The following ABCC1 variants were observed in gnomAD, a reference collection of about 807,000 sequenced individuals.
ABCC1 encodes ATP binding cassette subfamily C member 1 (ABCC1 blood group), also known as multidrug resistance-associated protein 1.
ABCC1 carries 83 observed loss-of-function variants against 172.9 expected under a neutral mutation model. The ratio of observed to expected loss-of-function variants is 0.48; its 90% CI spans 0.40 to 0.58. The LOEUF is 0.58. ABCC1 is among the 20% of genes least tolerant of loss of function. The pLI, the probability that ABCC1 is intolerant of heterozygous loss-of-function variation, is 0.00. For synonymous variants in ABCC1, 937 were observed against 825.2 expected, an observed-to-expected ratio of 1.14 and a Z score of -2.32; for missense variants, 1,817 against 2,002.7, an observed-to-expected ratio of 0.91 and a Z score of 1.77.
intron 28 of ABCC1, among the ~76,000 whole-genome samples, chr16:16,134,944 C>T (rs1283098056): frequency 6.6e-6 from 1 of 152,088 alleles, no homozygotes; most frequent in African/African-American, 2.4e-5. Flanking sequence ...GGCTGGCCTT[C>T]ATTGTTTTTA....
At chr16:15,958,378 G>A (rs1354805084) in intron 1 of ABCC1, among the ~76,000 whole-genome samples, 1 of 152,074 alleles carries the variant, frequency 6.6e-6, no homozygotes, top group African/African-American at 2.4e-5. Context: ...CCAAAGTGCT[G>A]GGATTACAGG....
At chr16:16,118,187 G>T (rs1431712854) in intron 23 of ABCC1, among the ~76,000 whole-genome samples, 2 of 152,136 alleles carry the variant, frequency 1.3e-5, no homozygotes, top group African/African-American at 4.8e-5. Context: ...GGGTTGTTTA[G>T]ATGGGAGCAT....
At chr16:16,058,753 C>T (rs1002804973) in intron 12 of ABCC1, among the ~76,000 whole-genome samples, 7 of 152,180 alleles carry the variant, frequency 4.6e-5, no homozygotes, top group East Asian at 1.9e-4. Context: ...CGGGTTCAAG[C>T]GATTCTTCCA....
intron 17 of ABCC1, 144 bp downstream of exon 17, chr16:16,083,686 G>A (rs2050895546): frequency 2.8e-6 from 3 of 1,061,744 alleles, no homozygotes; most frequent in Non-Finnish European, 4.1e-6. Context: ...CACGCTGCAG[G>A]CCAGCTGAAC....
At chr16:16,070,096 T>C (rs1400975827) in intron 13 of ABCC1, among the ~76,000 whole-genome samples, 1 of 151,942 alleles carries the variant, frequency 6.6e-6, no homozygotes, top group East Asian at 1.9e-4. Context: ...CATCGGCATT[T>C]TTTGGCTGGG....
chr16:15,983,552 CT>C (rs11416710), intron 1 of ABCC1, among the ~76,000 whole-genome samples: 51 of 126,516 alleles, frequency 4.0e-4, no homozygotes, highest in East Asian at 1.4e-3. Flanking sequence ...GTACACCACA[CT>C]TTTTTTTTTT....
chr16:15,997,561 G>A (rs576869018), intron 1 of ABCC1, among the ~76,000 whole-genome samples: 1 of 152,200 alleles, frequency 6.6e-6, no homozygotes, highest in South Asian at 2.1e-4. Context: ...GGCCTGGCTG[G>A]ATTTCCCTAG....
At chr16:16,040,009 G>C (rs535476448) in intron 7 of ABCC1, among the ~76,000 whole-genome samples, 1 of 152,198 alleles carries the variant, frequency 6.6e-6, no homozygotes, top group South Asian at 2.1e-4. Context: ...GAACACAGGC[G>C]CAGGTTTTCT....
chr16:16,105,428 C>T (rs147412871), intron 20 of ABCC1: 1 of 152,318 alleles, frequency 6.6e-6, no homozygotes, highest in African/African-American at 2.4e-5. Context: ...CCTCACTAGG[C>T]CTTAACTAAA....
chr16:16,065,315 C>T (rs753063421), intron 12 of ABCC1, among the ~76,000 whole-genome samples: 3 of 152,100 alleles, frequency 2.0e-5, no homozygotes, highest in African/African-American at 7.2e-5. Context: ...CAGGCTGGTG[C>T]GGGGGCACAG....
At chr16:15,985,076 C>T (rs974950002) in intron 1 of ABCC1, among the ~76,000 whole-genome samples, 3 of 152,270 alleles carry the variant, frequency 2.0e-5, no homozygotes, top group Admixed American at 6.5e-5. Flanking sequence ...GCACTCCAGC[C>T]TGGGTGAGAG....
intron 7 of ABCC1, among the ~76,000 whole-genome samples, chr16:16,037,232 T>G (rs923647850): frequency 6.6e-6 from 1 of 152,224 alleles, no homozygotes; most frequent in Non-Finnish European, 1.5e-5. Context: ...ATCCTGCATG[T>G]TCTTGCTGTT....
rs145605433 is a variant in ABCC1, at chr16:16,018,498, G to A, written c.615+1877G>A. Among the ~76,000 whole-genome samples the A allele has an allele frequency of 1.7e-4, 26 of 152,238 alleles. No homozygotes were observed. The East Asian group carries it at 5.0e-3, about 29-fold the overall frequency. On this transcript the variant is annotated intron_variant, in intron 5 of 30. Transcript: ENST00000399410. Reference sequence around the variant, plus strand: ...TGGGAGGCGGAGGTTGCAGTGAGCAGAGATCACACCACTGCGCTCCAACCT... The same window carrying A: ...TGGGAGGCGGAGGTTGCAGTGAGCAAAGATCACACCACTGCGCTCCAACCT...
At chr16:15,967,021 C>T (rs1024730829) in intron 1 of ABCC1, among the ~76,000 whole-genome samples, 3 of 152,042 alleles carry the variant, frequency 2.0e-5, no homozygotes, top group Non-Finnish European at 4.4e-5. Context: ...TAACTTTGGT[C>T]CCCTGCCCCC....
chr16:15,974,785 C>G (rs1297342152), intron 1 of ABCC1, among the ~76,000 whole-genome samples: 1 of 152,024 alleles, frequency 6.6e-6, no homozygotes, highest in African/African-American at 2.4e-5. Context: ...CTTCTAGTTT[C>G]TTTCTGTTTT....
At chr16:16,008,483 G>A (rs2047640972) in intron 2 of ABCC1, among the ~76,000 whole-genome samples, 1 of 151,780 alleles carries the variant, frequency 6.6e-6, no homozygotes, top group Non-Finnish European at 1.5e-5. Flanking sequence ...GGGATGCTCA[G>A]TGTGAACCAC....
chr16:16,140,602 T>C (rs1325090730), intron 30 of ABCC1, among the ~76,000 whole-genome samples: 1 of 152,186 alleles, frequency 6.6e-6, no homozygotes, highest in Non-Finnish European at 1.5e-5. Flanking sequence ...AAGTGGGCAG[T>C]GTCAAATCTT....
At chr16:16,053,057 T>G (rs1280562599) in intron 11 of ABCC1, among the ~76,000 whole-genome samples, 1 of 152,158 alleles carries the variant, frequency 6.6e-6, no homozygotes, top group Non-Finnish European at 1.5e-5. Flanking sequence ...GTCATTATAT[T>G]GGGCAGCCAA....
chr16:16,086,172 T>C (rs996845450), intron 17 of ABCC1, among the ~76,000 whole-genome samples: 1 of 152,212 alleles, frequency 6.6e-6, no homozygotes, highest in Non-Finnish European at 1.5e-5. Context: ...CAACATGATT[T>C]GGTGCCGTCA....
Sources: allele counts gnomAD v4.1 joint callset (sites outside exome capture counted in the v4.1 genomes callset), GRCh38; gene constraint gnomAD v4.1.1; transcripts MANE v1.5; gene names NCBI Gene and HGNC (gene_info 2026-07-23, HGNC 2026-07-21).